Variants in MALRD1 observed in about 807,000 individuals in gnomAD.
MALRD1 encodes MAM and LDL receptor class A domain containing 1.
A neutral mutation model predicts 242.1 loss-of-function variants in MALRD1; 247 were observed. The ratio of observed to expected loss-of-function variants is 1.02; its 90% CI spans 0.92 to 1.13. The LOEUF (loss-of-function observed/expected upper bound fraction) is 1.13. Among genes scored for constraint, MALRD1 ranks in the 50% most tolerant of loss-of-function variants. The pLI, the probability that MALRD1 is intolerant of heterozygous loss-of-function variation, is 0.00. For synonymous variants in MALRD1, 995 were observed against 866.6 expected (o/e 1.15, Z -2.60); for missense variants, 2,989 against 2,533.1 (o/e 1.18, Z -3.86).
At chr10:19,107,802 A>T (rs1479191398) in intron 5 of MALRD1, among the ~76,000 whole-genome samples, 8 of 146,348 alleles carry the variant, frequency 5.5e-5, no homozygotes, top group Non-Finnish European at 1.1e-4. Flanking sequence ...ATCTGCTGTA[A>T]TTTTTTTCTC....
At chr10:19,398,771 T>A (rs1846698336) in intron 28 of MALRD1, among the ~76,000 whole-genome samples, 1 of 152,238 alleles carries the variant, frequency 6.6e-6, no homozygotes, top group Non-Finnish European at 1.5e-5. Context: ...GTGTGCCTTG[T>A]CTGCACAGGA....
chr10:19,082,528 T>C (rs1835525616), intron 2 of MALRD1, among the ~76,000 whole-genome samples: 1 of 151,988 alleles, frequency 6.6e-6, no homozygotes, highest in African/African-American at 2.4e-5. Context: ...TTTGAAAACA[T>C]TTGACATAGC....
At chr10:19,675,368 T>C (rs1027093683) in intron 36 of MALRD1, among the ~76,000 whole-genome samples, 4 of 152,188 alleles carry the variant, frequency 2.6e-5, no homozygotes, top group African/African-American at 7.2e-5. Context: ...ATTTACTACT[T>C]ACAAAGCCAT....
At chr10:19,248,909 A>G (rs1839178353) in intron 18 of MALRD1, among the ~76,000 whole-genome samples, 1 of 147,860 alleles carries the variant, frequency 6.8e-6, no homozygotes, top group South Asian at 2.1e-4. Flanking sequence ...TGTATATCAT[A>G]TGTGTATATG....
chr10:19,233,256 C>G (rs1008079068), intron 18 of MALRD1, among the ~76,000 whole-genome samples: 1 of 152,144 alleles, frequency 6.6e-6, no homozygotes, highest in African/African-American at 2.4e-5. Flanking sequence ...AGTCCCAGCT[C>G]TTTGGGAGGC....
At chr10:19,179,306 A>G (rs1835392803) in intron 14 of MALRD1, among the ~76,000 whole-genome samples, 1 of 152,196 alleles carries the variant, frequency 6.6e-6, no homozygotes, top group African/African-American at 2.4e-5. Flanking sequence ...GCTGTATAAC[A>G]TGGTATCTAA....
At chr10:19,512,935 C>A (rs1833467467) in intron 31 of MALRD1, among the ~76,000 whole-genome samples, 1 of 152,042 alleles carries the variant, frequency 6.6e-6, no homozygotes, top group Non-Finnish European at 1.5e-5. Context: ...TCATCTGGGT[C>A]CTCCATGGGT....
chr10:19,224,284 CTT>C (rs377702801), intron 18 of MALRD1, among the ~76,000 whole-genome samples: 23,796 of 136,068 alleles, frequency 0.17, 1,835 homozygotes, highest in Admixed American at 0.21. Flanking sequence ...GGATGATGAG[CTT>C]TTTTTTTTTT....
intron 14 of MALRD1, among the ~76,000 whole-genome samples, chr10:19,177,143 G>T (rs2131547622): frequency 6.6e-6 from 1 of 151,980 alleles, no homozygotes; most frequent in South Asian, 2.1e-4. Flanking sequence ...GCCAGGGCAT[G>T]GTGGCGGGCA....
At chr10:19,480,435 G>C (rs1361415593) in intron 29 of MALRD1, among the ~76,000 whole-genome samples, 1 of 152,152 alleles carries the variant, frequency 6.6e-6, no homozygotes, top group Non-Finnish European at 1.5e-5. Context: ...GACTGGAAAA[G>C]GAACCAAGAG....
intron 32 of MALRD1, among the ~76,000 whole-genome samples, chr10:19,532,874 C>G (rs571704971): frequency 6.6e-6 from 1 of 152,276 alleles, no homozygotes; most frequent in Non-Finnish European, 1.5e-5. Flanking sequence ...GTTTTTACAT[C>G]TAATCGATGA....
chr10:19,288,195 A>C (rs756220910), intron 21 of MALRD1, among the ~76,000 whole-genome samples: 1 of 151,922 alleles, frequency 6.6e-6, no homozygotes, highest in Non-Finnish European at 1.5e-5. Flanking sequence ...TGGTAGGTGT[A>C]TATATTTATG....
chr10:19,154,343 C>T (rs908408377), intron 11 of MALRD1, among the ~76,000 whole-genome samples: 5 of 152,072 alleles, frequency 3.3e-5, no homozygotes, highest in Admixed American at 6.6e-5. Context: ...TCTCTGAATA[C>T]GGTATTTTCC....
intron 30 of MALRD1, 32 bp downstream of exon 30, chr10:19,491,677 G>A (rs1169617640): frequency 6.5e-7 from 1 of 1,538,100 alleles, no homozygotes; most frequent in Non-Finnish European, 8.8e-7. Context: ...ATGGCAGCCA[G>A]TTCAGCAGAT....
intron 29 of MALRD1, among the ~76,000 whole-genome samples, chr10:19,476,582 TG>T (rs1836744688): frequency 6.6e-6 from 1 of 152,104 alleles, no homozygotes; most frequent in African/African-American, 2.4e-5. Context: ...GCCTTGCTGG[TG>T]TGCTTACCCC....
At chr10:19,647,391 C>A (rs10827736) in intron 36 of MALRD1, among the ~76,000 whole-genome samples, 7,612 of 152,196 alleles carry the variant, frequency 0.05, 236 homozygotes, top group Middle Eastern at 0.096. Flanking sequence ...GCTTACCACG[C>A]CCAGTCTCCT....
chr10:19,236,143 TA>T (rs1838307460), intron 18 of MALRD1, among the ~76,000 whole-genome samples: 1 of 152,198 alleles, frequency 6.6e-6, no homozygotes, highest in African/African-American at 2.4e-5. Context: ...TGTTCCTTCC[TA>T]AAGATATCTT....
chr10:19,514,993 A>G (rs951433095), intron 31 of MALRD1, among the ~76,000 whole-genome samples: 1 of 152,022 alleles, frequency 6.6e-6, no homozygotes, highest in South Asian at 2.1e-4. Context: ...TGTCCATTCC[A>G]TCTACAATAC....
intron 18 of MALRD1, among the ~76,000 whole-genome samples, chr10:19,241,782 G>T (rs1288161372): frequency 6.6e-6 from 1 of 152,060 alleles, no homozygotes; most frequent in East Asian, 1.9e-4. Context: ...AGTGACTTTT[G>T]TAATTTTCCT....
Sources: allele counts gnomAD v4.1 joint callset (sites outside exome capture counted in the v4.1 genomes callset), GRCh38; gene constraint gnomAD v4.1.1; transcripts MANE v1.5; gene names NCBI Gene and HGNC (gene_info 2026-07-23, HGNC 2026-07-21).